URGCP: variants seen among roughly 807,000 people sequenced by gnomAD.
URGCP encodes the protein up-regulator of cell proliferation.
Under a neutral mutation model 24.6 loss-of-function variants are expected in URGCP, and 13 were observed. The ratio of observed to expected loss-of-function variants is 0.53; its 90% CI spans 0.34 to 0.84. The LOEUF (loss-of-function observed/expected upper bound fraction) is 0.84, where lower values mean the gene tolerates loss of function less well. Among genes scored for constraint, URGCP ranks in the 40% least tolerant of loss-of-function variants. The probability of loss-of-function intolerance (pLI) is 0.01; values close to 1 mark genes in which losing one functional copy is unlikely to be tolerated. For synonymous variants in URGCP, 444 were observed against 487.2 expected (o/e 0.91, Z 1.17); for missense variants, 899 against 1,194.3 (o/e 0.75, Z 3.64).
chr7:43,923,298 T>C (rs894218487), intron 1 of URGCP, among the ~76,000 whole-genome samples: 46 of 145,330 alleles, frequency 3.2e-4, no homozygotes, highest in Admixed American at 1.2e-3. Flanking sequence ...TTTTTTTTTT[T>C]CCCAAAGAGA....
intron 5 of URGCP, chr7:43,881,301 TA>T (rs1390620310): frequency 4.4e-6 from 3 of 688,680 alleles, no homozygotes; most frequent in Non-Finnish European, 5.2e-6. Context: ...TTGGACCAGA[TA>T]AATCGTTTCC....
chr7:43,923,261 T>C (rs10236917), intron 1 of URGCP, among the ~76,000 whole-genome samples: 33,775 of 149,622 alleles, frequency 0.23, 4,274 homozygotes, highest in African/African-American at 0.33. Context: ...GAATTACAGG[T>C]GTGAGCCACT....
intron 1 of URGCP, chr7:43,919,749 T>C: frequency 7.3e-7 from 1 of 1,369,744 alleles, no homozygotes; most frequent in Non-Finnish European, 1.0e-6. Flanking sequence ...CTTCATCCTG[T>C]TGGGCCCCAC....
intron 1 of URGCP, among the ~76,000 whole-genome samples, chr7:43,900,469 C>A (rs199729524): frequency 0.026 from 2,908 of 113,114 alleles, 1 homozygote; most frequent in African/African-American, 0.034. Context: ...AAAACCAAAA[C>A]AAAAAAAAAA....
At chr7:43,892,434 T>G (rs1307763051) in intron 1 of URGCP, among the ~76,000 whole-genome samples, 1 of 151,890 alleles carries the variant, frequency 6.6e-6, no homozygotes, top group Non-Finnish European at 1.5e-5. Flanking sequence ...TTTTTTTTTT[T>G]TAACTCACCA....
upstream of URGCP, among the ~76,000 whole-genome samples, chr7:43,908,103 A>T (rs1159063172): frequency 6.6e-6 from 1 of 152,226 alleles, no homozygotes; most frequent in African/African-American, 2.4e-5. Flanking sequence ...TTTGTTTGAG[A>T]CAGGGTCTTG....
intron 5 of URGCP, chr7:43,881,289 C>T (rs969827356): frequency 5.9e-5 from 41 of 695,654 alleles, no homozygotes; most frequent in Non-Finnish European, 9.9e-5. Context: ...CAAATGAAGG[C>T]GTTGGACCAG....
intron 1 of URGCP, among the ~76,000 whole-genome samples, chr7:43,917,325 G>A (rs1001689089): frequency 2.6e-5 from 4 of 152,208 alleles, no homozygotes; most frequent in African/African-American, 4.8e-5. Flanking sequence ...TGCTCTGCAT[G>A]TCTCTCCGTA....
rs114565101 is a variant in URGCP at position 43,923,783 on chromosome 7, T to C, written c.-116+2349A>G. Among the ~76,000 whole-genome samples, 1,067 of 152,358 alleles carry C rather than the reference T, an allele frequency of 7.0e-3. 11 individuals carry two copies. Among genetic ancestry groups the C allele is most frequent in the African/African-American group, 0.025 (1,022 of 41,578 alleles). On this transcript the variant is annotated intron_variant, in intron 1 of 5. Transcript: ENST00000426198. Reference sequence around the variant, plus strand: ...ATTTTCTCGCATTCTGTGTGTTGTCTTTTTGTTTTCTAGTTGGTATTGCTT... The same window carrying C: ...ATTTTCTCGCATTCTGTGTGTTGTCCTTTTGTTTTCTAGTTGGTATTGCTT...
intron 1 of URGCP, among the ~76,000 whole-genome samples, chr7:43,892,328 A>G (rs554477896): frequency 7.0e-6 from 1 of 142,908 alleles, no homozygotes; most frequent in South Asian, 2.2e-4. Flanking sequence ...GGTTCAAGTG[A>G]TTCTCCTGCC....
At position 43,879,121 on chromosome 7, in the gene URGCP, C is replaced by T. The variant is rs766262524; in HGVS notation, c.342G>A (p.Leu114=). The T allele has an allele frequency of 5.0e-6, 8 of 1,614,186 alleles. No individual in the cohort carries two copies. Among genetic ancestry groups the T allele is most frequent in the Non-Finnish European group, 4.2e-6 (5 of 1,180,044 alleles). ...KNWAPQVPKD[L]PWNFLRKLQA... Reference sequence around the variant, plus strand: ...GCAACTTCCTGAGGAAATTCCAGGGCAAGTCTTTGGGAACCTGAGGGGCCC... The same window carrying T: ...GCAACTTCCTGAGGAAATTCCAGGGTAAGTCTTTGGGAACCTGAGGGGCCC... The change falls in exon 6 of 6, where the codon TTG becomes TTA. Residue 114 remains leucine, a synonymous_variant. Coordinates refer to ENST00000453200, the MANE Select transcript of URGCP (RefSeq NM_001077663.3).
intron 1 of URGCP, among the ~76,000 whole-genome samples, chr7:43,894,710 A>C (rs1221706893): frequency 6.6e-6 from 1 of 152,126 alleles, no homozygotes; most frequent in Non-Finnish European, 1.5e-5. Context: ...TTAGATCACA[A>C]GGGAATAAAA....
At position 43,877,791 on chromosome 7, in the gene URGCP, G is replaced by A. The variant is rs781744095; in HGVS notation, c.1672C>T (p.Pro558Ser). The A allele has an allele frequency of 6.2e-6, 10 of 1,602,718 alleles. No homozygotes were observed. The highest frequency in any genetic ancestry group is 1.7e-5 in the Admixed American group (1 of 59,052). The change falls in exon 6 of 6, where the codon CCC becomes TCC. Residue 558 changes from proline (P) to serine (S), a missense_variant. Transcript: ENST00000453200. ...AAGTACTGCTTCTCACTCAAGGAGGGGCTGCTGATCCCCGAGATGAACTCC... is the reference window on the plus strand; with the variant it reads ...AAGTACTGCTTCTCACTCAAGGAGGAGCTGCTGATCCCCGAGATGAACTCC... ...VQEFISGISSPSLSEKQYFLR... is the reference protein window; with the variant it reads ...VQEFISGISSSSLSEKQYFLR...
chr7:43,895,950 T>C (rs1027987390), intron 1 of URGCP, among the ~76,000 whole-genome samples: 3 of 152,164 alleles, frequency 2.0e-5, no homozygotes, highest in Non-Finnish European at 4.4e-5. Context: ...TCTATCAACA[T>C]ACAAACTGAT....
At chr7:43,923,646 T>C (rs2095925284) in intron 1 of URGCP, among the ~76,000 whole-genome samples, 1 of 152,184 alleles carries the variant, frequency 6.6e-6, no homozygotes, top group South Asian at 2.1e-4. Flanking sequence ...GAAATTTCTA[T>C]TCACATCTTT....
At chr7:43,914,044 G>T (rs920039013) in intron 1 of URGCP, among the ~76,000 whole-genome samples, 2 of 152,126 alleles carry the variant, frequency 1.3e-5, no homozygotes, top group African/African-American at 4.8e-5. Context: ...CTGTCACTCA[G>T]GCTGGAGTGC....
chr7:43,905,921 C>G (rs560479746), intron 1 of URGCP: 1 of 152,246 alleles, frequency 6.6e-6, no homozygotes, highest in African/African-American at 2.4e-5. Context: ...AAAGGAATAA[C>G]ATTTAAATCA....
chr7:43,882,068 C>T, intron 3 of URGCP, 111 bp from the exon 4 acceptor site: 2 of 1,544,244 alleles, frequency 1.3e-6, no homozygotes, highest in East Asian at 4.5e-5. Context: ...GGAGGCTGAA[C>T]AAGAGGAGTG....
chr7:43,921,325 CAA>C (rs199924024), intron 1 of URGCP, among the ~76,000 whole-genome samples: 11 of 130,780 alleles, frequency 8.4e-5, no homozygotes, highest in Admixed American at 2.3e-4. Context: ...GACTCCGTCT[CAA>C]AAAAAAAAAA....
Sources: gnomAD v4.1 joint callset for allele counts (sites outside exome capture counted in the v4.1 genomes callset) on GRCh38, gnomAD v4.1.1 for gene constraint, MANE v1.5 for transcripts, NCBI Gene and HGNC (gene_info 2026-07-23, HGNC 2026-07-21) for gene names.